The following NAA11 variants were observed in gnomAD, a reference collection of about 807,000 sequenced individuals.
The protein encoded by NAA11 is N-alpha-acetyltransferase 11, NatA catalytic subunit, also known as N-alpha-acetyltransferase 11.
Under a neutral mutation model 16.1 loss-of-function variants are expected in NAA11, and 15 were observed. The observed-to-expected ratio is 0.93, with a 90% CI of 0.62 to 1.44. The LOEUF is 1.44. Among genes scored for constraint, NAA11 ranks in the 40% most tolerant of loss-of-function variants. NAA11 has a pLI of 0.00. For synonymous variants in NAA11, 122 were observed against 112.4 expected, an observed-to-expected ratio of 1.09 and a Z score of -0.54; for missense variants, 298 against 291.3, an observed-to-expected ratio of 1.02 and a Z score of -0.17.
rs990846096 is a variant in NAA11 at position 79,264,690 on chromosome 4, C to A, written c.*122+29315G>T. ...GAAACACTGCCTGTGTTTGCTGGGG[C>A]AGTGCTCTTTTTTTGTTTTCCTTGC... is the stretch of plus-strand genomic sequence containing the variant. On this transcript the variant is annotated intron_variant and NMD_transcript_variant, in intron 2 of 2. Transcript: ENST00000511542. Among the ~76,000 whole-genome samples the A allele has an allele frequency of 5.3e-5, 8 of 152,270 alleles. No homozygotes were observed. In the South Asian group the frequency reaches 1.7e-3, roughly 32 times the overall value.
intron 1 of NAA11, chr4:79,299,464 G>A (rs936388220): frequency 2.0e-5 from 3 of 152,098 alleles, no homozygotes; most frequent in Non-Finnish European, 4.4e-5. Flanking sequence ...GACTAAAAAG[G>A]CTTATAAGAA....
chr4:79,214,950 C>T, the NAA11 span, among the ~76,000 whole-genome samples: 1 of 152,200 alleles, frequency 6.6e-6, no homozygotes, highest in Non-Finnish European at 1.5e-5. Flanking sequence ...CTCTCCAGTA[C>T]AGTGAGCCAA....
rs1723939216 is a variant in NAA11, at chr4:79,316,711, A to G, written c.*1093T>C. 2 of 152,214 alleles carry G rather than the reference A, an allele frequency of 1.3e-5. No homozygotes were observed. 9.4% of individuals were successfully genotyped at this position (152,214 alleles called of 1,614,324 possible). A position where few individuals can be genotyped will look rare whatever the true frequency, so the allele number is the denominator to read the frequency against. Reference sequence around the variant, plus strand: ...TACTTTGTCTTCACTTATTTTTACTAGAGAAAAATAATAAAAATAGATTAT... The same window carrying G: ...TACTTTGTCTTCACTTATTTTTACTGGAGAAAAATAATAAAAATAGATTAT... On this transcript the variant is annotated 3_prime_UTR_variant, in exon 2 of 2. Coordinates refer to ENST00000286794, the MANE Select transcript of NAA11 (RefSeq NM_032693.3).
intron 2 of NAA11, among the ~76,000 whole-genome samples, chr4:79,264,157 T>A (rs1197020730): frequency 6.6e-6 from 1 of 152,208 alleles, no homozygotes; most frequent in Non-Finnish European, 1.5e-5. Flanking sequence ...CCATTGTTGG[T>A]CATGGACTAG....
chr4:79,231,919 C>T (rs538950763), intron 2 of NAA11, among the ~76,000 whole-genome samples: 184 of 151,396 alleles, frequency 1.2e-3, no homozygotes, highest in African/African-American at 4.2e-3. Context: ...TATGTATATA[C>T]ACATATATAT....
chr4:79,233,676 A>G (rs1372142492), intron 2 of NAA11, among the ~76,000 whole-genome samples: 1 of 151,992 alleles, frequency 6.6e-6, no homozygotes, highest in Non-Finnish European at 1.5e-5. Context: ...CTACTTGTGG[A>G]CTATAGTTTG....
At chr4:79,201,768 C>A in the NAA11 span, among the ~76,000 whole-genome samples, 1 of 151,498 alleles carries the variant, frequency 6.6e-6, no homozygotes, top group Non-Finnish European at 1.5e-5. Flanking sequence ...AATTTATTTA[C>A]ATAAAATAAA....
chr4:79,224,796 A>T (rs1039655271), downstream of NAA11, among the ~76,000 whole-genome samples: 2 of 152,138 alleles, frequency 1.3e-5, no homozygotes, highest in African/African-American at 4.8e-5. Context: ...GTGATCAATC[A>T]TGTTGCTAGT....
At chr4:79,295,512 A>G (rs922044991) in intron 1 of NAA11, among the ~76,000 whole-genome samples, 3 of 152,180 alleles carry the variant, frequency 2.0e-5, no homozygotes, top group Non-Finnish European at 4.4e-5. Flanking sequence ...TGCTACTCAC[A>G]ATAGTACTCC....
At chr4:79,320,068 T>C (rs1049526941) in intron 1 of NAA11, among the ~76,000 whole-genome samples, 1 of 152,208 alleles carries the variant, frequency 6.6e-6, no homozygotes, top group African/African-American at 2.4e-5. Flanking sequence ...ATTTTTGTTA[T>C]TAATAATCAA....
intron 2 of NAA11, among the ~76,000 whole-genome samples, chr4:79,243,698 G>A (rs893534437): frequency 1.3e-5 from 2 of 152,150 alleles, no homozygotes; most frequent in Non-Finnish European, 2.9e-5. Flanking sequence ...TCAGAAGAAA[G>A]AATTCAACTG....
chr4:79,220,816 C>T (rs1721173802), downstream of NAA11, among the ~76,000 whole-genome samples: 2 of 152,076 alleles, frequency 1.3e-5, no homozygotes, highest in Admixed American at 1.3e-4. Context: ...GTGATGCCTC[C>T]AGCTTTGTTC....
the NAA11 span, among the ~76,000 whole-genome samples, chr4:79,155,944 G>T: frequency 6.6e-6 from 1 of 152,110 alleles, no homozygotes; most frequent in Non-Finnish European, 1.5e-5. Flanking sequence ...TCATTCTCAG[G>T]TTTGGAGGAC....
intron 2 of NAA11, among the ~76,000 whole-genome samples, chr4:79,269,602 G>A (rs1722440515): frequency 6.7e-6 from 1 of 149,838 alleles, no homozygotes; most frequent in Non-Finnish European, 1.5e-5. Context: ...CTGGATATTA[G>A]CCCTTTGTCA....
chr4:79,171,072 C>T, the NAA11 span, among the ~76,000 whole-genome samples: 1 of 152,148 alleles, frequency 6.6e-6, no homozygotes, highest in Non-Finnish European at 1.5e-5. Context: ...ACACTCTCTG[C>T]TCTCTTGAGA....
the NAA11 span, among the ~76,000 whole-genome samples, chr4:79,173,249 A>G: frequency 6.6e-6 from 1 of 152,126 alleles, no homozygotes; most frequent in Non-Finnish European, 1.5e-5. Context: ...CTCAGGCAAC[A>G]TTGATCTGTT....
At chr4:79,182,339 T>A in the NAA11 span, among the ~76,000 whole-genome samples, 1 of 152,182 alleles carries the variant, frequency 6.6e-6, no homozygotes, top group Non-Finnish European at 1.5e-5. Flanking sequence ...TTTAAATGAG[T>A]CTTTTTCTGC....
chr4:79,230,944 A>C (rs1365051283), intron 2 of NAA11, among the ~76,000 whole-genome samples: 1 of 152,012 alleles, frequency 6.6e-6, no homozygotes, highest in Non-Finnish European at 1.5e-5. Context: ...GTTCAATATT[A>C]TCATAAGACC....
At position 79,325,887 on chromosome 4, in the gene NAA11, G is replaced by A. The variant is rs761463347; in HGVS notation, c.-10C>T. On this transcript the variant is annotated 5_prime_UTR_variant, in exon 1 of 2. Coordinates refer to ENST00000286794, the MANE Select transcript of NAA11 (RefSeq NM_032693.3). ...CGTTGCGGATGTTCATAATGGCAGA[G>A]GGTAGGGAACCGGTTGGACTGCAGT... is the stretch of plus-strand genomic sequence containing the variant. 3 of 1,598,678 alleles carry A rather than the reference G, an allele frequency of 1.9e-6. No homozygotes were observed. Among genetic ancestry groups the A allele is most frequent in the African/African-American group, 2.7e-5 (2 of 74,914 alleles).
Sources: allele counts gnomAD v4.1 joint callset (sites outside exome capture counted in the v4.1 genomes callset), GRCh38; gene constraint gnomAD v4.1.1; transcripts MANE v1.5; gene names NCBI Gene and HGNC (gene_info 2026-07-23, HGNC 2026-07-21).